Variants in CIMIP7 observed in about 807,000 individuals in gnomAD.
CIMIP7 encodes the protein ciliary microtubule inner protein 7, also known as uncharacterized protein C3orf84.
the CIMIP7 span, chr3:49,190,152 G>A: frequency 6.4e-7 from 1 of 1,569,036 alleles, no homozygotes; most frequent in African/African-American, 1.3e-5. Context: ...TAACAAGACA[G>A]GAATGAGGAT....
chr3:49,184,049 G>T, the CIMIP7 span, among the ~76,000 whole-genome samples: 2 of 152,198 alleles, frequency 1.3e-5, no homozygotes, highest in Admixed American at 1.3e-4. Context: ...CCAGGCTGGA[G>T]TGCGGTGACA....
chr3:49,189,946 GC>G, the CIMIP7 span: 1 of 1,020,142 alleles, frequency 9.8e-7, no homozygotes, highest in African/African-American at 1.6e-5. Flanking sequence ...CCATGGAAGG[GC>G]TGGGATGATG....
the CIMIP7 span, among the ~76,000 whole-genome samples, chr3:49,188,605 C>T: frequency 5.9e-5 from 9 of 152,104 alleles, no homozygotes; most frequent in Admixed American, 2.0e-4. Flanking sequence ...ATCTCCTTCT[C>T]GATTCCAGAA....
chr3:49,181,666 T>G, the CIMIP7 span, among the ~76,000 whole-genome samples: 1 of 152,014 alleles, frequency 6.6e-6, no homozygotes. Context: ...AAACCATATA[T>G]CCAACAGAGG....
chr3:49,184,626 A>G, the CIMIP7 span, among the ~76,000 whole-genome samples: 155 of 133,636 alleles, frequency 1.2e-3, 1 homozygote, highest in Non-Finnish European at 2.1e-3. Context: ...GGCCTATGTA[A>G]TTTTTTTTTT....
At chr3:49,178,665 A>G in the CIMIP7 span, 3 of 719,204 alleles carry the variant, frequency 4.2e-6, no homozygotes, top group South Asian at 4.8e-5. Context: ...CTAAGCTGCT[A>G]AACTGCCAAC....
the CIMIP7 span, among the ~76,000 whole-genome samples, chr3:49,184,740 T>A: frequency 2.0e-5 from 3 of 151,436 alleles, no homozygotes; most frequent in African/African-American, 7.3e-5. Flanking sequence ...GCACTTCTCC[T>A]GCCTCAGCCT....
chr3:49,181,291 G>A, the CIMIP7 span, among the ~76,000 whole-genome samples: 7 of 146,184 alleles, frequency 4.8e-5, no homozygotes, highest in African/African-American at 1.3e-4. Context: ...GCAGTGAGCC[G>A]AGATCTCACC....
At chr3:49,184,481 T>C in the CIMIP7 span, among the ~76,000 whole-genome samples, 2 of 151,736 alleles carry the variant, frequency 1.3e-5, no homozygotes, top group Non-Finnish European at 2.9e-5. Flanking sequence ...GCCACCACAC[T>C]GGCTAATTTT....
the CIMIP7 span, among the ~76,000 whole-genome samples, chr3:49,185,987 A>G: frequency 6.7e-6 from 1 of 148,646 alleles, no homozygotes; most frequent in Non-Finnish European, 1.5e-5. Flanking sequence ...GCCCGGCTAT[A>G]ATTTTATAGC....
At chr3:49,181,764 G>A in the CIMIP7 span, among the ~76,000 whole-genome samples, 15 of 152,214 alleles carry the variant, frequency 9.9e-5, no homozygotes, top group South Asian at 2.1e-4. Context: ...TCTAACCAAA[G>A]AAGATTTACA....
the CIMIP7 span, among the ~76,000 whole-genome samples, chr3:49,189,617 G>A: frequency 2.0e-5 from 3 of 152,314 alleles, no homozygotes; most frequent in Admixed American, 6.5e-5. Context: ...TCCCTGACCA[G>A]AGGAGGCCTC....
the CIMIP7 span, chr3:49,178,564 GA>G: frequency 6.2e-7 from 1 of 1,605,792 alleles, no homozygotes; most frequent in Non-Finnish European, 8.5e-7. Flanking sequence ...GAAAGAAGGT[GA>G]ATGGGGAAAA....
At chr3:49,182,016 C>T in the CIMIP7 span, among the ~76,000 whole-genome samples, 2 of 151,780 alleles carry the variant, frequency 1.3e-5, no homozygotes, top group African/African-American at 2.4e-5. Context: ...GCTCTTCAGG[C>T]GGCGCGTCTG....
the CIMIP7 span, chr3:49,191,810 T>C: frequency 6.5e-7 from 1 of 1,536,756 alleles, no homozygotes; most frequent in East Asian, 2.4e-5. Flanking sequence ...ACTTTCCTCT[T>C]GTCTTTTGGA....
chr3:49,189,197 G>A, the CIMIP7 span, among the ~76,000 whole-genome samples: 19 of 152,104 alleles, frequency 1.2e-4, no homozygotes, highest in African/African-American at 1.9e-4. Context: ...TTGAACTACC[G>A]ACCTCAGGTG....
At chr3:49,188,716 C>G in the CIMIP7 span, among the ~76,000 whole-genome samples, 1 of 152,164 alleles carries the variant, frequency 6.6e-6, no homozygotes, top group Non-Finnish European at 1.5e-5. Context: ...CACAAGCAAT[C>G]TTTTGTAAAC....
chr3:49,180,992 G>A, the CIMIP7 span, among the ~76,000 whole-genome samples: 2 of 150,774 alleles, frequency 1.3e-5, no homozygotes, highest in African/African-American at 2.4e-5. Flanking sequence ...ACAGTCTGAT[G>A]GTAGTCTTCA....
the CIMIP7 span, among the ~76,000 whole-genome samples, chr3:49,179,433 C>T: frequency 2.9e-3 from 435 of 152,256 alleles, 2 homozygotes; most frequent in African/African-American, 0.01. Context: ...CACAACAGTT[C>T]CTCCTATTTG....
Sources: allele counts gnomAD v4.1 joint callset (sites outside exome capture counted in the v4.1 genomes callset), GRCh38; gene constraint gnomAD v4.1.1; transcripts MANE v1.5; gene names NCBI Gene and HGNC (gene_info 2026-07-23, HGNC 2026-07-21).